CNTN4: variants seen among roughly 807,000 people sequenced by gnomAD.
CNTN4 encodes contactin-4.
In CNTN4, 77 loss-of-function variants were observed where a neutral mutation model predicts 122.5. The observed-to-expected ratio is 0.63, with a 90% CI of 0.52 to 0.76. The LOEUF is 0.76. Among genes scored for constraint, CNTN4 ranks in the 30% least tolerant of loss-of-function variants. The pLI, the probability that CNTN4 is intolerant of heterozygous loss-of-function variation, is 0.00. For synonymous variants in CNTN4, 512 were observed against 447.0 expected, an observed-to-expected ratio of 1.15 and a Z score of -1.83; for missense variants, 1,256 against 1,259.1, an observed-to-expected ratio of 1.00 and a Z score of 0.04.
chr3:2,514,709 T>A (rs1292030017), intron 3 of CNTN4, among the ~76,000 whole-genome samples: 1 of 152,080 alleles, frequency 6.6e-6, no homozygotes, highest in Non-Finnish European at 1.5e-5. Flanking sequence ...GAAGTATGAT[T>A]TCTGTGATCC....
intron 3 of CNTN4, among the ~76,000 whole-genome samples, chr3:2,448,778 C>T (rs2048720157): frequency 6.6e-6 from 1 of 152,196 alleles, no homozygotes; most frequent in Non-Finnish European, 1.5e-5. Flanking sequence ...TGTCCAGCAG[C>T]CCAGGTGTCC....
At chr3:2,965,687 T>G (rs1294476952) in intron 13 of CNTN4, among the ~76,000 whole-genome samples, 1 of 152,190 alleles carries the variant, frequency 6.6e-6, no homozygotes, top group Non-Finnish European at 1.5e-5. Flanking sequence ...ATGCCTTAAG[T>G]TCTTATCCTG....
At chr3:2,503,563 C>T (rs2076653680) in intron 3 of CNTN4, among the ~76,000 whole-genome samples, 1 of 152,066 alleles carries the variant, frequency 6.6e-6, no homozygotes, top group Non-Finnish European at 1.5e-5. Flanking sequence ...GAAAGTTGGG[C>T]ATAGAGAAGT....
intron 4 of CNTN4, among the ~76,000 whole-genome samples, chr3:2,613,542 A>G (rs946395443): frequency 2.0e-5 from 3 of 152,274 alleles, no homozygotes; most frequent in African/African-American, 4.8e-5. Context: ...ACATTTATAC[A>G]TTCATATTAC....
intron 2 of CNTN4, among the ~76,000 whole-genome samples, chr3:2,273,090 A>G (rs2041365737): frequency 6.6e-6 from 1 of 152,222 alleles, no homozygotes; most frequent in African/African-American, 2.4e-5. Flanking sequence ...TTTCTGCCAT[A>G]TTAAAATCTA....
chr3:2,655,900 T>A (rs75158623), intron 4 of CNTN4, among the ~76,000 whole-genome samples: 8,747 of 152,192 alleles, frequency 0.057, 266 homozygotes, highest in South Asian at 0.087. Flanking sequence ...GCCCATCACA[T>A]GGAGGAGGAA....
intron 6 of CNTN4, among the ~76,000 whole-genome samples, chr3:2,746,556 C>T (rs2149563838): frequency 6.6e-6 from 1 of 152,298 alleles, no homozygotes; most frequent in African/African-American, 2.4e-5. Flanking sequence ...TTATATATTT[C>T]CTTGTGTGAA....
Position 2,510,760 on chromosome 3 carries a change from C to G in CNTN4, c.-88-60656C>G, listed in dbSNP as rs538962946. Among the ~76,000 whole-genome samples, 29 of 152,254 alleles carry G rather than the reference C, an allele frequency of 1.9e-4. No homozygotes were observed. The South Asian group carries it at 6.0e-3, about 32-fold the overall frequency. On this transcript the variant is annotated intron_variant, in intron 3 of 24. Coordinates refer to ENST00000418658, the MANE Select transcript of CNTN4 (RefSeq NM_175607.3). ...AATGTTCACATTCAGATTCTCAAAT[C>G]TCTCTCTTGCCAGACCAAGCATGTC... is the stretch of plus-strand genomic sequence containing the variant.
At chr3:3,027,801 T>G (rs182266543) in intron 15 of CNTN4, among the ~76,000 whole-genome samples, 5 of 152,314 alleles carry the variant, frequency 3.3e-5, no homozygotes, top group Admixed American at 3.3e-4. Context: ...GTAGCCTTTA[T>G]GCCAGAATGG....
chr3:2,335,553 C>G (rs893267691), intron 2 of CNTN4, among the ~76,000 whole-genome samples: 22 of 148,808 alleles, frequency 1.5e-4, no homozygotes, highest in African/African-American at 5.2e-4. Context: ...TGTAAAGCAG[C>G]ACAAAAGCGG....
chr3:2,110,522 C>A (rs779582663), intron 2 of CNTN4: 3 of 152,210 alleles, frequency 2.0e-5, no homozygotes, highest in Admixed American at 6.5e-5. Flanking sequence ...AGTGTTGAGA[C>A]CGACACTGGT....
intron 2 of CNTN4, among the ~76,000 whole-genome samples, chr3:2,229,062 T>A (rs539365446): frequency 6.6e-6 from 1 of 152,172 alleles, no homozygotes; most frequent in African/African-American, 2.4e-5. Context: ...CCTTGTAGAA[T>A]TGGCCTATAG....
intron 4 of CNTN4, among the ~76,000 whole-genome samples, chr3:2,590,088 T>C (rs1221754776): frequency 6.6e-6 from 1 of 152,220 alleles, no homozygotes; most frequent in Admixed American, 6.5e-5. Context: ...TTTGCTTTCA[T>C]ACTGGGACAA....
chr3:2,462,231 A>G (rs1422798136), intron 3 of CNTN4, among the ~76,000 whole-genome samples: 1 of 152,204 alleles, frequency 6.6e-6, no homozygotes, highest in African/African-American at 2.4e-5. Flanking sequence ...TCCAGTGTCC[A>G]TGCTTAGTTT....
intron 4 of CNTN4, among the ~76,000 whole-genome samples, chr3:2,658,323 T>TTATTA (rs1267925040): frequency 6.6e-6 from 1 of 151,996 alleles, no homozygotes; most frequent in Non-Finnish European, 1.5e-5. Context: ...AAACCCTGTC[T>TTATTA]TACTCACACT....
Position 2,900,744 on chromosome 3 carries a change from T to C in CNTN4, c.1000T>C (p.Phe334Leu). 2 of 1,613,964 alleles carry C rather than the reference T, an allele frequency of 1.2e-6. No homozygotes were observed. Among genetic ancestry groups the C allele is most frequent in the Non-Finnish European group, 1.7e-6 (2 of 1,179,820 alleles). Reference sequence around the variant, plus strand: ...TCACGTGGCCATGGAAGAAAATGTCTTTTGGGAATGTAAAGCAAATGGAAG... The same window carrying C: ...TCACGTGGCCATGGAAGAAAATGTCCTTTGGGAATGTAAAGCAAATGGAAG... ...DIHVAMEENV[F>L]WECKANGRPK... is the part of the protein sequence containing the mutation. Residue 334 changes from phenylalanine (F) to leucine (L), a missense_variant, in exon 11 of 25, where the codon TTT (phenylalanine) becomes CTT (leucine). By Grantham distance (22) the Phe-to-Leu change is conservative. Transcript: ENST00000418658.
intron 2 of CNTN4, among the ~76,000 whole-genome samples, chr3:2,127,788 A>G (rs1203506097): frequency 1.3e-5 from 2 of 152,210 alleles, no homozygotes; most frequent in East Asian, 3.9e-4. Context: ...GAAATCTGCC[A>G]GTGTTTAAAA....
At position 2,981,402 on chromosome 3, in the gene CNTN4, G is replaced by C. The variant is rs369077127; in HGVS notation, c.1359-6943G>C. Among the ~76,000 whole-genome samples, 1,204 of 150,856 alleles carry C rather than the reference G, an allele frequency of 8.0e-3. 17 individuals are homozygous for C. The highest frequency in any genetic ancestry group is 0.021 in the African/African-American group (864 of 40,582). ...GAGCTTGCAGTGAGCCGAGATCGCAGCACTGCACTCCAGCCTGGGCGACAG... is the reference window on the plus strand; with the variant it reads ...GAGCTTGCAGTGAGCCGAGATCGCACCACTGCACTCCAGCCTGGGCGACAG... On this transcript the variant is annotated intron_variant, in intron 13 of 24. Transcript: ENST00000418658.
chr3:2,320,218 C>G (rs866003016), intron 2 of CNTN4, among the ~76,000 whole-genome samples: 1 of 152,034 alleles, frequency 6.6e-6, no homozygotes, highest in Non-Finnish European at 1.5e-5. Flanking sequence ...GATTTAATTA[C>G]GTTTAGTGAC....
Sources: allele counts gnomAD v4.1 joint callset (sites outside exome capture counted in the v4.1 genomes callset), GRCh38; gene constraint gnomAD v4.1.1; transcripts MANE v1.5; gene names NCBI Gene and HGNC (gene_info 2026-07-23, HGNC 2026-07-21).